TMEFF2: variants seen among roughly 807,000 people sequenced by gnomAD.
TMEFF2 encodes transmembrane protein with EGF like and two follistatin like domains 2.
TMEFF2 carries 28 observed loss-of-function variants against 53.8 expected under a neutral mutation model. The observed-to-expected ratio is 0.52, with a 90% CI of 0.39 to 0.71. TMEFF2 has a LOEUF of 0.71. Ranked by LOEUF, TMEFF2 falls within the 30% of genes least tolerant of loss-of-function variation. The pLI is 0.00. For missense variants in TMEFF2, 353 were observed against 455.2 expected (o/e 0.78, Z 2.04); for synonymous variants, 162 against 166.3 (o/e 0.97, Z 0.20).
In TMEFF2 at chr2:191,949,582, A is replaced by AG; in HGVS notation, c.*728_*729insC. Reference sequence around the variant, plus strand: ...ATACCTAGTATGTAACTTGTTCAGTAAGTTCAGATATATGCACTTAACTGG... The same window carrying AG: ...ATACCTAGTATGTAACTTGTTCAGTAGAGTTCAGATATATGCACTTAACTGG... On this transcript the variant is annotated 3_prime_UTR_variant, in exon 10 of 10. Coordinates refer to ENST00000272771, the MANE Select transcript of TMEFF2 (RefSeq NM_016192.4). The AG allele has an allele frequency of 1.0e-6, 1 of 985,376 alleles. No homozygotes were observed. The highest frequency in any genetic ancestry group is 1.7e-5 in the African/African-American group (1 of 57,336). 61.0% of individuals were successfully genotyped at this position (985,376 alleles called of 1,614,324 possible).
chr2:192,184,654 A>C (rs1194160909), intron 2 of TMEFF2, among the ~76,000 whole-genome samples, 171 bp from the exon 3 acceptor site: 4 of 152,174 alleles, frequency 2.6e-5, no homozygotes, highest in Non-Finnish European at 4.4e-5. Context: ...CACAAAGCCA[A>C]TTTCAAGTTA....
intron 4 of TMEFF2, among the ~76,000 whole-genome samples, chr2:192,136,702 C>A (rs1005860288): frequency 6.6e-6 from 1 of 152,054 alleles, no homozygotes; most frequent in African/African-American, 2.4e-5. Flanking sequence ...TCTCTCTCTC[C>A]TTTCCCTCTC....
At chr2:192,183,586 A>C (rs1691240627) in intron 3 of TMEFF2, among the ~76,000 whole-genome samples, 1 of 152,112 alleles carries the variant, frequency 6.6e-6, no homozygotes, top group Non-Finnish European at 1.5e-5. Context: ...CTATTATGGC[A>C]CCTTACAGCC....
At chr2:192,169,665 T>C (rs779415817) in intron 4 of TMEFF2, among the ~76,000 whole-genome samples, 1 of 152,238 alleles carries the variant, frequency 6.6e-6, no homozygotes, top group Non-Finnish European at 1.5e-5. Context: ...TTTTTTCCAA[T>C]GCTATAGATG....
chr2:192,060,056 T>TTA (rs1553517802), intron 4 of TMEFF2, among the ~76,000 whole-genome samples: 7 of 151,136 alleles, frequency 4.6e-5, no homozygotes, highest in African/African-American at 1.7e-4. Context: ...TTTTTTTTTT[T>TTA]AATAAAAATG....
In TMEFF2 at chr2:191,998,148, A is replaced by G. The variant is rs536918680; in HGVS notation, c.745+114T>C. ...AGCTTGAACTAAGCAAGAGAAGGCT[A>G]GCACATGTTAGAAGTCTTGCAAGCT... On this transcript the variant is annotated intron_variant, in intron 7 of 9. Transcript: ENST00000272771. The G allele has an allele frequency of 1.8e-5, 14 of 788,972 alleles. No individual in the cohort carries two copies. In the South Asian group the frequency reaches 2.5e-4, roughly 14 times the overall value. The allele number at this position is 788,972 out of a possible 1,614,324, so 48.9% of individuals were successfully genotyped here.
intron 4 of TMEFF2, among the ~76,000 whole-genome samples, chr2:192,160,101 A>C: frequency 6.6e-6 from 1 of 152,148 alleles, no homozygotes; most frequent in Non-Finnish European, 1.5e-5. Context: ...GCCTTCTAAA[A>C]TTTTGAGAGA....
At chr2:192,016,262 C>T (rs933836836) in intron 5 of TMEFF2, among the ~76,000 whole-genome samples, 6 of 152,190 alleles carry the variant, frequency 3.9e-5, no homozygotes, top group African/African-American at 1.4e-4. Context: ...TTTTCATTTT[C>T]ATTCAACATT....
chr2:192,161,405 G>A (rs967755619), intron 4 of TMEFF2, among the ~76,000 whole-genome samples: 3 of 151,980 alleles, frequency 2.0e-5, no homozygotes, highest in Admixed American at 6.6e-5. Flanking sequence ...TGCCCTCCTC[G>A]GCCTCCCAAA....
At chr2:192,118,657 T>G (rs1055034228) in intron 4 of TMEFF2, among the ~76,000 whole-genome samples, 8 of 152,142 alleles carry the variant, frequency 5.3e-5, no homozygotes, top group African/African-American at 1.9e-4. Context: ...TTTTAAAAAA[T>G]TATAACAATT....
intron 7 of TMEFF2, among the ~76,000 whole-genome samples, chr2:191,971,290 A>G (rs1359967222): frequency 1.3e-5 from 2 of 152,214 alleles, no homozygotes; most frequent in East Asian, 3.8e-4. Context: ...TTCTAAGTAC[A>G]TGGTTAACCA....
At chr2:192,116,789 T>C (rs573837395) in intron 4 of TMEFF2, among the ~76,000 whole-genome samples, 44 of 152,184 alleles carry the variant, frequency 2.9e-4, no homozygotes, top group African/African-American at 1.0e-3. Context: ...CTGCTGCCTT[T>C]GTCATGACGT....
At chr2:192,062,574 T>C (rs1477689404) in intron 4 of TMEFF2, among the ~76,000 whole-genome samples, 1 of 152,160 alleles carries the variant, frequency 6.6e-6, no homozygotes, top group African/African-American at 2.4e-5. Context: ...TTATTGTTGG[T>C]GGTGGTTTTT....
At chr2:191,997,007 C>G (rs879611169) in intron 7 of TMEFF2, among the ~76,000 whole-genome samples, 3 of 151,886 alleles carry the variant, frequency 2.0e-5, no homozygotes, top group Non-Finnish European at 4.4e-5. Flanking sequence ...ATGTATGTCT[C>G]TTAAATATTT....
At chr2:192,163,495 GCTGT>G (rs1271001510) in intron 4 of TMEFF2, among the ~76,000 whole-genome samples, 5 of 152,116 alleles carry the variant, frequency 3.3e-5, no homozygotes, top group Non-Finnish European at 5.9e-5. Flanking sequence ...AAATTATGGA[GCTGT>G]CTATTTTTAT....
intron 5 of TMEFF2, among the ~76,000 whole-genome samples, chr2:192,000,889 C>T (rs79334967): frequency 0.011 from 1,606 of 152,244 alleles, 32 homozygotes; most frequent in African/African-American, 0.037. Flanking sequence ...CATTGAGGAG[C>T]GGTGTTCCTA....
chr2:192,006,708 T>C (rs1559081878), intron 5 of TMEFF2, among the ~76,000 whole-genome samples: 2 of 152,342 alleles, frequency 1.3e-5, no homozygotes, highest in South Asian at 4.1e-4. Context: ...CATTAACTTC[T>C]GGCTTTCAAA....
At chr2:192,106,181 T>C (rs2105949537) in intron 4 of TMEFF2, among the ~76,000 whole-genome samples, 1 of 151,848 alleles carries the variant, frequency 6.6e-6, no homozygotes, top group Non-Finnish European at 1.5e-5. Context: ...ATGCTAGGCA[T>C]TCATTAAAAA....
intron 5 of TMEFF2, among the ~76,000 whole-genome samples, chr2:192,023,084 G>A (rs1257215376): frequency 2.0e-5 from 3 of 151,970 alleles, no homozygotes; most frequent in South Asian, 2.1e-4. Context: ...CAAGTTGTAC[G>A]GATTGTGATT....
Sources: gnomAD v4.1 joint callset for allele counts (sites outside exome capture counted in the v4.1 genomes callset) on GRCh38, gnomAD v4.1.1 for gene constraint, MANE v1.5 for transcripts, NCBI Gene and HGNC (gene_info 2026-07-23, HGNC 2026-07-21) for gene names.